FRMPD4: variants seen among roughly 807,000 people sequenced by gnomAD.
The protein encoded by FRMPD4 is FERM and PDZ domain-containing protein 4.
In FRMPD4, 22 loss-of-function variants were observed where a neutral mutation model predicts 94.1. The ratio of observed to expected loss-of-function variants is 0.23; its 90% CI spans 0.17 to 0.33. The LOEUF (loss-of-function observed/expected upper bound fraction) is 0.33. Ranked by LOEUF, FRMPD4 falls within the 10% of genes least tolerant of loss-of-function variation. The pLI, the probability that FRMPD4 is intolerant of heterozygous loss-of-function variation, is 1.00. For synonymous variants in FRMPD4, 631 were observed against 548.6 expected, an observed-to-expected ratio of 1.15 and a Z score of -2.10; for missense variants, 1,111 against 1,339.9, an observed-to-expected ratio of 0.83 and a Z score of 2.67.
intron 1 of FRMPD4, among the ~76,000 whole-genome samples, chrX:12,226,616 GT>G (rs1219300385): frequency 9.0e-6 from 1 of 111,336 alleles, no homozygotes; most frequent in African/African-American, 3.3e-5. Flanking sequence ...ACAAAGGACA[GT>G]TTATTATCCA....
At chrX:12,380,603 A>G (rs2056305303) in intron 1 of FRMPD4, among the ~76,000 whole-genome samples, 1 of 112,148 alleles carries the variant, frequency 8.9e-6, no homozygotes, top group African/African-American at 3.2e-5. Context: ...AAAGGTGTCC[A>G]GAGCCCCACT....
intron 1 of FRMPD4, 52 bp from the exon 2 acceptor site, chrX:12,498,628 A>G: frequency 2.9e-6 from 2 of 682,331 alleles, no homozygotes; most frequent in Middle Eastern, 5.9e-4. Flanking sequence ...TTGTCTCAGA[A>G]GGAATGTTCA....
intron 1 of FRMPD4, among the ~76,000 whole-genome samples, chrX:12,339,350 C>G (rs1005182527): frequency 1.8e-5 from 2 of 111,684 alleles, no homozygotes; most frequent in Admixed American, 1.9e-4. Flanking sequence ...TTGTTTGTTT[C>G]TTTGTTCTTG....
chrX:12,065,176 A>G (rs908870897), intron 3 of FRMPD4, among the ~76,000 whole-genome samples: 27 of 112,312 alleles, frequency 2.4e-4, no homozygotes, highest in African/African-American at 7.4e-4. Flanking sequence ...AGTGAATACT[A>G]GAAGGAAATA....
intron 2 of FRMPD4, among the ~76,000 whole-genome samples, chrX:12,526,085 G>A (rs910078100): frequency 2.7e-5 from 3 of 112,330 alleles, no homozygotes; most frequent in Non-Finnish European, 5.6e-5. Context: ...AAGTCTGAGA[G>A]TGCTACAGGG....
intron 2 of FRMPD4, among the ~76,000 whole-genome samples, chrX:12,553,874 G>A (rs1300538268): frequency 1.8e-5 from 2 of 111,994 alleles, no homozygotes; most frequent in Non-Finnish European, 3.8e-5. Flanking sequence ...CTTCAAGAAA[G>A]TTTGGTGCCT....
At chrX:12,543,397 AAAAC>A (rs1304734531) in intron 2 of FRMPD4, among the ~76,000 whole-genome samples, 6 of 112,252 alleles carry the variant, frequency 5.3e-5, no homozygotes, top group Non-Finnish European at 9.4e-5. Flanking sequence ...TCACAAGAAA[AAAAC>A]AAACAACCCC....
intron 1 of FRMPD4, among the ~76,000 whole-genome samples, chrX:12,140,278 G>A (rs1312160177): frequency 8.9e-6 from 1 of 112,213 alleles, no homozygotes; most frequent in Non-Finnish European, 1.9e-5. Flanking sequence ...CTGGAGATAC[G>A]CAGTTGATGG....
chrX:12,375,284 CA>C (rs1011412821), intron 1 of FRMPD4, among the ~76,000 whole-genome samples: 1 of 112,795 alleles, frequency 8.9e-6, no homozygotes, highest in Non-Finnish European at 1.9e-5. Flanking sequence ...TATAATCACA[CA>C]GTTTTTCTAA....
At chrX:12,504,219 C>A (rs2057954691) in intron 2 of FRMPD4, among the ~76,000 whole-genome samples, 2 of 112,870 alleles carry the variant, frequency 1.8e-5, no homozygotes, top group African/African-American at 6.4e-5. Context: ...ATAGGTTACT[C>A]TGTTATTCTG....
At chrX:12,283,489 T>C (rs930299710) in intron 1 of FRMPD4, among the ~76,000 whole-genome samples, 2 of 112,434 alleles carry the variant, frequency 1.8e-5, no homozygotes, top group Admixed American at 9.4e-5. Flanking sequence ...ATTGGTGCAC[T>C]CTTAATTAAT....
intron 1 of FRMPD4, among the ~76,000 whole-genome samples, chrX:12,349,718 G>T (rs1017053831): frequency 5.4e-5 from 6 of 111,698 alleles, no homozygotes; most frequent in Non-Finnish European, 1.1e-4. Flanking sequence ...AGAAGAGAAT[G>T]CAAATATTGT....
intron 2 of FRMPD4, among the ~76,000 whole-genome samples, chrX:12,602,299 T>C (rs1036106372): frequency 1.3e-4 from 15 of 111,455 alleles, no homozygotes; most frequent in South Asian, 3.8e-4. Flanking sequence ...AAGCTTTCCA[T>C]GTTAGGCCCC....
intron 1 of FRMPD4, among the ~76,000 whole-genome samples, chrX:12,149,500 G>A (rs2055818338): frequency 1.8e-5 from 2 of 112,025 alleles, no homozygotes; most frequent in Non-Finnish European, 3.8e-5. Flanking sequence ...TAGCAAGAGA[G>A]CTAGACTTAG....
upstream of FRMPD4, among the ~76,000 whole-genome samples, chrX:12,138,121 G>A (rs183469796): frequency 2.0e-3 from 224 of 112,421 alleles, no homozygotes; most frequent in African/African-American, 7.1e-3. Context: ...CAGCGATTCG[G>A]GAGAAGCAGT....
chrX:12,378,686 G>A (rs1165088259), intron 1 of FRMPD4, among the ~76,000 whole-genome samples: 1 of 112,430 alleles, frequency 8.9e-6, no homozygotes, highest in Non-Finnish European at 1.9e-5. Flanking sequence ...TTGGGGGAAT[G>A]ATGTATGTCT....
chrX:12,080,156 CATA>C (rs2055051021), intron 3 of FRMPD4, among the ~76,000 whole-genome samples: 1 of 112,056 alleles, frequency 8.9e-6, no homozygotes, highest in Admixed American at 9.5e-5. Flanking sequence ...CTTTTCCCTC[CATA>C]ATAAGTTAGC....
intron 1 of FRMPD4, among the ~76,000 whole-genome samples, chrX:12,397,274 T>A (rs906405203): frequency 2.7e-5 from 3 of 109,929 alleles, no homozygotes; most frequent in African/African-American, 6.6e-5. Flanking sequence ...AAAAAAAAAA[T>A]ACATGTTTAT....
At chrX:11,986,878 C>T (rs1429225988) in intron 3 of FRMPD4, among the ~76,000 whole-genome samples, 2 of 108,887 alleles carry the variant, frequency 1.8e-5, no homozygotes, top group African/African-American at 6.7e-5. Flanking sequence ...ACCCAAACAG[C>T]CAATAACAAG....
Sources: allele counts gnomAD v4.1 joint callset (sites outside exome capture counted in the v4.1 genomes callset), GRCh38; gene constraint gnomAD v4.1.1; transcripts MANE v1.5; gene names NCBI Gene and HGNC (gene_info 2026-07-23, HGNC 2026-07-21).